HS6ST2: variants seen among roughly 807,000 people sequenced by gnomAD.
HS6ST2 encodes the protein heparan sulfate 6-O-sulfotransferase 2.
In HS6ST2, 17 loss-of-function variants were observed where a neutral mutation model predicts 33.0. That is an observed-to-expected ratio of 0.52 (90% confidence interval 0.35 to 0.77). The LOEUF is 0.77. Ranked by LOEUF, HS6ST2 falls within the 30% of genes least tolerant of loss-of-function variation. The pLI, the probability that HS6ST2 is intolerant of heterozygous loss-of-function variation, is 0.01. For synonymous variants in HS6ST2, 248 were observed against 237.1 expected (o/e 1.05, Z -0.42); for missense variants, 519 against 551.7 (o/e 0.94, Z 0.59).
At chrX:132,883,803 C>A (rs1259454826) in intron 2 of HS6ST2, among the ~76,000 whole-genome samples, 1 of 111,501 alleles carries the variant, frequency 9.0e-6, no homozygotes, top group South Asian at 3.8e-4. Context: ...GTGATAAGCA[C>A]CCAGCATCTG....
At position 132,801,535 on chromosome X, in the gene HS6ST2, C is replaced by T. The variant is rs764463183; in HGVS notation, c.948-93041G>A. Among the ~76,000 whole-genome samples, 8 of 111,660 alleles carry T rather than the reference C, an allele frequency of 7.2e-5. No homozygotes were observed. In the Admixed American group the frequency reaches 7.6e-4, roughly 11 times the overall value. ...CTCTGATGGATTACACAGTGAGCTT[C>T]CTAAAGCCAGACCACCCCACAGGCC... is the stretch of plus-strand genomic sequence containing the variant. On this transcript the variant is annotated intron_variant, in intron 2 of 4. Coordinates refer to ENST00000370833, the MANE Select transcript of HS6ST2 (RefSeq NM_001394073.1).
In HS6ST2 at chrX:132,662,298, G is replaced by T. The variant is rs759476256; in HGVS notation, c.1067+6815C>A. ...GAAGGAGAGAGAGAGAGAGAGATTT[G>T]CTTTTTATTACGTGGAAAAAAATAG... On this transcript the variant is annotated intron_variant, in intron 4 of 4. Coordinates refer to ENST00000370833, the MANE Select transcript of HS6ST2 (RefSeq NM_001394073.1). Among the ~76,000 whole-genome samples the T allele has an allele frequency of 2.7e-5, 3 of 110,651 alleles. No individual in the cohort carries two copies. In the South Asian group the frequency reaches 1.2e-3, roughly 43 times the overall value.
At chrX:132,781,930 A>C (rs1312893767) in intron 2 of HS6ST2, among the ~76,000 whole-genome samples, 2 of 111,864 alleles carry the variant, frequency 1.8e-5, no homozygotes, top group African/African-American at 6.5e-5. Flanking sequence ...CAACAGGTGA[A>C]CAGAGGTCAG....
chrX:132,913,314 G>T (rs1033494719), intron 2 of HS6ST2, among the ~76,000 whole-genome samples: 1 of 112,220 alleles, frequency 8.9e-6, no homozygotes, highest in African/African-American at 3.2e-5. Context: ...CTAGCCCTGG[G>T]GCTGCGGGCT....
chrX:132,915,732 CTTTTT>C (rs146550837), intron 2 of HS6ST2, among the ~76,000 whole-genome samples: 1 of 102,456 alleles, frequency 9.8e-6, no homozygotes, highest in Non-Finnish European at 2.0e-5. Flanking sequence ...TCATTGGTAA[CTTTTT>C]TTTTTTTTTG....
At chrX:132,921,809 C>T (rs143992536) in intron 2 of HS6ST2, among the ~76,000 whole-genome samples, 2 of 112,165 alleles carry the variant, frequency 1.8e-5, no homozygotes, top group African/African-American at 3.2e-5. Context: ...GGAGTCAGCC[C>T]GGATCCCGCC....
chrX:132,799,275 C>T (rs903702408), intron 2 of HS6ST2, among the ~76,000 whole-genome samples: 1 of 110,990 alleles, frequency 9.0e-6, no homozygotes, highest in Non-Finnish European at 1.9e-5. Context: ...AGTGTTATCC[C>T]ATGTAAGCCC....
chrX:132,764,466 T>C (rs775986198), intron 2 of HS6ST2, among the ~76,000 whole-genome samples: 1 of 112,129 alleles, frequency 8.9e-6, no homozygotes, highest in Admixed American at 9.5e-5. Context: ...ATTGGCAGTC[T>C]GGGAGTTTAT....
chrX:132,682,442 A>G (rs2063979042), intron 3 of HS6ST2, among the ~76,000 whole-genome samples: 1 of 111,620 alleles, frequency 9.0e-6, no homozygotes. Context: ...GTTGGCATAT[A>G]AGGGAACAAG....
rs759977708 is a variant in HS6ST2, at chrX:132,844,408, G to T, written c.947+112400C>A. On this transcript the variant is annotated intron_variant, in intron 2 of 4. Transcript: ENST00000370833. Reference sequence around the variant, plus strand: ...TACAGGTACAAATAATAACATTTCTGATCTTACAGGGTATTTAAGTTGTGA... The same window carrying T: ...TACAGGTACAAATAATAACATTTCTTATCTTACAGGGTATTTAAGTTGTGA... Among the ~76,000 whole-genome samples the T allele has an allele frequency of 7.2e-5, 8 of 111,550 alleles. No individual in the cohort carries two copies. The South Asian group carries it at 3.0e-3, about 42-fold the overall frequency.
intron 2 of HS6ST2, among the ~76,000 whole-genome samples, chrX:132,926,759 C>A (rs1326173409): frequency 1.8e-5 from 2 of 110,808 alleles, no homozygotes; most frequent in Non-Finnish European, 3.8e-5. Context: ...CCTATGTCTA[C>A]TAAAAATAGA....
At chrX:132,948,647 G>A (rs1334089928) in intron 2 of HS6ST2, among the ~76,000 whole-genome samples, 1 of 112,118 alleles carries the variant, frequency 8.9e-6, no homozygotes. Flanking sequence ...AATCTGCAAA[G>A]TTCAATACCT....
intron 3 of HS6ST2, 107 bp from the exon 4 acceptor site, chrX:132,669,306 C>G (rs1048127225): frequency 3.9e-6 from 2 of 519,294 alleles, no homozygotes; most frequent in East Asian, 4.0e-5. Context: ...TGCATATCCC[C>G]CCACCACCCC....
intron 2 of HS6ST2, among the ~76,000 whole-genome samples, chrX:132,717,892 CT>C (rs2064291143): frequency 9.0e-6 from 1 of 111,665 alleles, no homozygotes; most frequent in Non-Finnish European, 1.9e-5. Flanking sequence ...AACAGGTATC[CT>C]TTTATTGGAA....
At chrX:132,769,697 C>A (rs139460010) in intron 2 of HS6ST2, among the ~76,000 whole-genome samples, 2 of 112,519 alleles carry the variant, frequency 1.8e-5, no homozygotes, top group Admixed American at 9.4e-5. Flanking sequence ...CATGTTGTCA[C>A]GGTTCTACCA....
At chrX:132,937,385 C>T (rs1030858631) in intron 2 of HS6ST2, among the ~76,000 whole-genome samples, 4 of 111,474 alleles carry the variant, frequency 3.6e-5, no homozygotes, top group Non-Finnish European at 7.5e-5. Flanking sequence ...CCTGAACAGC[C>T]GAAGCAATAC....
chrX:132,951,019 T>C (rs2067009615), intron 2 of HS6ST2, among the ~76,000 whole-genome samples: 1 of 110,447 alleles, frequency 9.1e-6, no homozygotes, highest in Non-Finnish European at 1.9e-5. Flanking sequence ...GCCCCAGTTG[T>C]CACCTCCTTA....
chrX:132,795,910 C>G (rs1030717304), intron 2 of HS6ST2, among the ~76,000 whole-genome samples: 1 of 111,869 alleles, frequency 8.9e-6, no homozygotes, highest in Middle Eastern at 4.6e-3. Flanking sequence ...CACCCAGCCT[C>G]AGACAGAACT....
chrX:132,865,175 T>A (rs2065958780), intron 2 of HS6ST2, among the ~76,000 whole-genome samples: 1 of 90,905 alleles, frequency 1.1e-5, no homozygotes, highest in African/African-American at 4.1e-5. Flanking sequence ...CCCCTTCCTG[T>A]GTCCACGTGA....
Sources: allele counts gnomAD v4.1 joint callset (sites outside exome capture counted in the v4.1 genomes callset), GRCh38; gene constraint gnomAD v4.1.1; transcripts MANE v1.5; gene names NCBI Gene and HGNC (gene_info 2026-07-23, HGNC 2026-07-21).